Variants in EPHX4 observed in about 807,000 individuals in gnomAD.
EPHX4 encodes the protein abhydrolase domain containing 7.
Under a neutral mutation model 44.9 loss-of-function variants are expected in EPHX4, and 31 were observed. The ratio of observed to expected loss-of-function variants is 0.69; its 90% CI spans 0.52 to 0.93. The LOEUF is 0.93. EPHX4 is among the 40% of genes least tolerant of loss of function. The pLI is 0.00. For synonymous variants in EPHX4, 151 were observed against 159.7 expected (o/e 0.95, Z 0.41); for missense variants, 373 against 438.1 (o/e 0.85, Z 1.33).
At chr1:92,060,163 C>A (rs1647464345) in intron 6 of EPHX4, among the ~76,000 whole-genome samples, 1 of 151,966 alleles carries the variant, frequency 6.6e-6, no homozygotes, top group Admixed American at 6.6e-5. Flanking sequence ...AATCCTAGCA[C>A]TTTGGGAGGC....
intron 2 of EPHX4, among the ~76,000 whole-genome samples, chr1:92,033,287 A>G (rs1478697351): frequency 1.3e-5 from 2 of 152,092 alleles, no homozygotes; most frequent in Non-Finnish European, 2.9e-5. Flanking sequence ...ATGTTCCTGA[A>G]TCACAGGTCT....
At chr1:92,061,994 AG>A (rs1358111933) in intron 6 of EPHX4, among the ~76,000 whole-genome samples, 2 of 150,930 alleles carry the variant, frequency 1.3e-5, no homozygotes, top group African/African-American at 2.4e-5. Context: ...GATCACTTGA[AG>A]CCAGGAGTTT....
Position 92,030,187 on chromosome 1 carries a change from G to A in EPHX4, c.108G>A (p.Leu36=), listed in dbSNP as rs1295092889. 3 of 1,611,496 alleles carry A rather than the reference G, an allele frequency of 1.9e-6. No homozygotes were observed. The highest frequency in any genetic ancestry group is 2.5e-6 in the Non-Finnish European group (3 of 1,178,898). ...GCGGGCTCTGCGCCTCCATCCACCT[G>A]CTCAAACTTTTGTGGAGCCTCGGCA... ...CYCGLCASIH[L]LKLLWSLGKG... Residue 36 remains leucine, a synonymous_variant, in exon 1 of 7, where the codon CTG becomes CTA. Coordinates refer to ENST00000370383, the MANE Select transcript of EPHX4 (RefSeq NM_173567.5).
Position 92,063,049 on chromosome 1 carries a change from T to C in EPHX4, c.858-6T>C. The C allele has an allele frequency of 1.9e-6, 3 of 1,603,822 alleles. No homozygotes were observed. Among genetic ancestry groups the C allele is most frequent in the Non-Finnish European group, 2.6e-6 (3 of 1,174,218 alleles). ...AATCTCAAGCCCATGTATTTTGTTT[T>C]TATAGCTGCCTGCCTCTCAAACATC... On this transcript the variant is annotated splice_polypyrimidine_tract_variant and splice_region_variant and intron_variant, in intron 6 of 6. Transcript: ENST00000370383.
chr1:92,034,434 C>T (rs1332394379), intron 2 of EPHX4, among the ~76,000 whole-genome samples: 1 of 151,934 alleles, frequency 6.6e-6, no homozygotes, highest in Non-Finnish European at 1.5e-5. Flanking sequence ...AGCCCAGTTC[C>T]CTTAGTTGAC....
chr1:92,033,275 A>C (rs1043361622), intron 2 of EPHX4, among the ~76,000 whole-genome samples: 1 of 152,070 alleles, frequency 6.6e-6, no homozygotes, highest in African/African-American at 2.4e-5. Context: ...TAATATTCCT[A>C]AATGTTCCTG....
At chr1:92,057,399 T>C (rs1462316962) in intron 6 of EPHX4, among the ~76,000 whole-genome samples, 1 of 152,134 alleles carries the variant, frequency 6.6e-6, no homozygotes. Flanking sequence ...GGTATAAATG[T>C]TTAAGTTAAC....
chr1:92,040,650 A>G (rs1471526278), intron 2 of EPHX4, among the ~76,000 whole-genome samples: 1 of 151,792 alleles, frequency 6.6e-6, no homozygotes, highest in African/African-American at 2.4e-5. Context: ...TTGTAGAGAC[A>G]GGGTTTCACC....
intron 5 of EPHX4, among the ~76,000 whole-genome samples, chr1:92,050,911 C>T (rs1647238136): frequency 1.3e-5 from 2 of 152,292 alleles, no homozygotes; most frequent in East Asian, 1.9e-4. Context: ...CAGCTCACTG[C>T]AGCCTCAACC....
chr1:92,057,051 A>G (rs1344354939), intron 6 of EPHX4, among the ~76,000 whole-genome samples: 2 of 152,158 alleles, frequency 1.3e-5, no homozygotes, highest in East Asian at 3.8e-4. Flanking sequence ...AATACTTAAG[A>G]AGAAATACAT....
chr1:92,055,377 A>G (rs767775565), intron 6 of EPHX4, among the ~76,000 whole-genome samples: 16 of 152,224 alleles, frequency 1.1e-4, no homozygotes, highest in Non-Finnish European at 1.9e-4. Context: ...TAAATAAAAC[A>G]AAATCTTTCA....
At chr1:92,032,720 T>A in intron 2 of EPHX4, 130 bp downstream of exon 2, 1 of 797,334 alleles carries the variant, frequency 1.3e-6, no homozygotes. Context: ...TTCTCAGAGT[T>A]CTGGAGGCTG....
intron 6 of EPHX4, among the ~76,000 whole-genome samples, chr1:92,058,356 AG>A (rs929881550): frequency 4.4e-4 from 67 of 151,704 alleles, no homozygotes; most frequent in African/African-American, 1.6e-3. Context: ...CAGGAGAATC[AG>A]TTGAACCTGG....
Position 92,053,423 on chromosome 1 carries a change from T to C in EPHX4, c.857+765T>C, listed in dbSNP as rs545826754. On this transcript the variant is annotated intron_variant, in intron 6 of 6. Transcript: ENST00000370383. ...GACCATATGAAGGATGTAAAAGCCA[T>C]GAATGCGAAGCCAGTGAATGAGAAT... Among the ~76,000 whole-genome samples, 11 of 152,178 alleles carry C rather than the reference T, an allele frequency of 7.2e-5. 1 individual carries two copies. The South Asian group carries it at 2.3e-3, about 32-fold the overall frequency.
intron 4 of EPHX4, among the ~76,000 whole-genome samples, 195 bp from the exon 5 acceptor site, chr1:92,050,121 AT>A (rs1315357054): frequency 5.3e-5 from 8 of 151,728 alleles, no homozygotes; most frequent in South Asian, 4.2e-4. Flanking sequence ...AATAAAAAAA[AT>A]AATAAAGTGG....
At chr1:92,032,196 C>T (rs1389036979) in intron 1 of EPHX4, among the ~76,000 whole-genome samples, 1 of 152,050 alleles carries the variant, frequency 6.6e-6, no homozygotes, top group Non-Finnish European at 1.5e-5. Context: ...TTCAGAAGCT[C>T]ATAATATATA....
intron 5 of EPHX4, among the ~76,000 whole-genome samples, chr1:92,050,953 C>T (rs1228945641): frequency 6.6e-6 from 1 of 152,148 alleles, no homozygotes; most frequent in Non-Finnish European, 1.5e-5. Flanking sequence ...TCACCTCAGC[C>T]TCCCAAGTAG....
At position 92,050,321 on chromosome 1, in the gene EPHX4, T is replaced by C. The variant is rs1647224835; in HGVS notation, c.609T>C (p.Tyr203=). ...AACATGGCATTTTAATTTCAGAATA[T>C]ATTTTACGACACCCTGCTCAGCTGT... The part of the protein sequence containing the change: ...NFPHPNVFTE[Y]ILRHPAQLLK... The change falls in exon 5 of 7, where the codon TAT becomes TAC. Residue 203 remains tyrosine, a synonymous_variant. Transcript: ENST00000370383. 2 of 1,591,088 alleles carry C rather than the reference T, an allele frequency of 1.3e-6. No individual in the cohort carries two copies. The highest frequency in any genetic ancestry group is 8.6e-7 in the Non-Finnish European group (1 of 1,164,398).
At chr1:92,044,501 T>C (rs957142962) in intron 3 of EPHX4, among the ~76,000 whole-genome samples, 2 of 152,178 alleles carry the variant, frequency 1.3e-5, no homozygotes, top group South Asian at 4.1e-4. Context: ...CAGGAATAAA[T>C]TACAAATGAA....
Sources: gnomAD v4.1 joint callset for allele counts (sites outside exome capture counted in the v4.1 genomes callset) on GRCh38, gnomAD v4.1.1 for gene constraint, MANE v1.5 for transcripts, NCBI Gene and HGNC (gene_info 2026-07-23, HGNC 2026-07-21) for gene names.